The following TPP2 variants were observed in gnomAD, a reference collection of about 807,000 sequenced individuals.
TPP2 encodes the protein tripeptidyl peptidase 2.
Under a neutral mutation model 155.9 loss-of-function variants are expected in TPP2, and 34 were observed. The observed-to-expected ratio is 0.22, with a 90% CI of 0.17 to 0.29. The LOEUF is 0.29. Ranked by LOEUF, TPP2 falls within the 10% of genes least tolerant of loss-of-function variation. The pLI is 1.00. For missense variants in TPP2, 1,028 were observed against 1,522.3 expected, an observed-to-expected ratio of 0.68 and a Z score of 5.40; for synonymous variants, 510 against 529.4, an observed-to-expected ratio of 0.96 and a Z score of 0.50.
intron 20 of TPP2, among the ~76,000 whole-genome samples, chr13:102,646,861 CTG>C (rs575513733): frequency 1.6e-4 from 25 of 152,324 alleles, no homozygotes; most frequent in Admixed American, 1.6e-3. Flanking sequence ...TTCAATAAAA[CTG>C]TTACTGAAAC....
intron 1 of TPP2, among the ~76,000 whole-genome samples, chr13:102,600,291 T>C (rs1168795197): frequency 6.6e-6 from 1 of 152,202 alleles, no homozygotes; most frequent in African/African-American, 2.4e-5. Context: ...GTCAGGCTTC[T>C]ACCATCCGTC....
In TPP2 at chr13:102,597,031, C is replaced by T. The variant is rs1417035187; in HGVS notation, c.-8C>T. ...GTTTGCCGCTTCCTCGTCCTCCATC[C>T]TGCGTCCATGGCCACCGCTGCGACT... On this transcript the variant is annotated 5_prime_UTR_variant, in exon 1 of 30. Coordinates refer to ENST00000376052, the MANE Select transcript of TPP2 (RefSeq NM_001330588.2). The T allele has an allele frequency of 3.1e-6, 5 of 1,611,254 alleles. No homozygotes were observed. Among genetic ancestry groups the T allele is most frequent in the South Asian group, 1.1e-5 (1 of 90,982 alleles).
chr13:102,597,236 G>GCGCGGGCGGCCGGGGA (rs780181900), intron 1 of TPP2, 33 bp downstream of exon 1: 3 of 1,284,138 alleles, frequency 2.3e-6, no homozygotes, highest in Admixed American at 4.1e-5. Flanking sequence ...GGGCGCGGGG[G>GCGCGGGCGGCCGGGGA]CGCGGGCGGC....
chr13:102,629,350 G>T (rs1881862506), intron 8 of TPP2, 132 bp from the exon 9 acceptor site: 1 of 1,030,638 alleles, frequency 9.7e-7, no homozygotes, highest in Non-Finnish European at 1.3e-6. Flanking sequence ...ACTTAGAATG[G>T]CTGTATCATG....
rs1216573139 is a variant in TPP2, at chr13:102,618,760, G to A, written c.534G>A (p.Val178=). ...KLIKEELQSQ[V]ELLNSFEKKY... is the part of the protein sequence containing the mutation. ...TCAAGGAGGAACTTCAAAGTCAAGT[G>A]GAATTGCTAAATTCTTTTGAGAAGA... The change falls in exon 5 of 30, where the codon GTG becomes GTA. Residue 178 remains valine (V), a synonymous_variant. Coordinates refer to ENST00000376052, the MANE Select transcript of TPP2 (RefSeq NM_001330588.2). 1.2e-6 allele frequency: 2 copies of A among 1,613,838 alleles called. No homozygotes were observed. Among genetic ancestry groups the A allele is most frequent in the South Asian group, 2.2e-5 (2 of 91,052 alleles).
chr13:102,645,564 A>G (rs1883046420), intron 19 of TPP2, among the ~76,000 whole-genome samples: 1 of 152,232 alleles, frequency 6.6e-6, no homozygotes, highest in African/African-American at 2.4e-5. Flanking sequence ...AATTAGGGAC[A>G]ATAGTCAGTG....
chr13:102,600,877 A>G (rs1265705317), intron 1 of TPP2, among the ~76,000 whole-genome samples: 3 of 148,482 alleles, frequency 2.0e-5, no homozygotes, highest in Non-Finnish European at 4.5e-5. Flanking sequence ...ATAGTGTCCT[A>G]ACCTCTTTTT....
intron 5 of TPP2, 68 bp downstream of exon 5, chr13:102,618,914 A>G: frequency 3.9e-6 from 6 of 1,544,694 alleles, no homozygotes; most frequent in Non-Finnish European, 4.3e-6. Flanking sequence ...AAAACATTAA[A>G]TGCTCAGAGC....
chr13:102,614,782 G>T (rs1484630067), intron 3 of TPP2, among the ~76,000 whole-genome samples: 1 of 152,180 alleles, frequency 6.6e-6, no homozygotes, highest in African/African-American at 2.4e-5. Flanking sequence ...TGTGATAATG[G>T]AAATGTTTGA....
chr13:102,673,307 C>T (rs1396205427), intron 27 of TPP2, among the ~76,000 whole-genome samples: 2 of 152,184 alleles, frequency 1.3e-5, no homozygotes, highest in African/African-American at 4.8e-5. Flanking sequence ...ACATGCTACA[C>T]ATTTCACTCT....
chr13:102,623,684 CTGTG>C (rs1457888713), intron 6 of TPP2, among the ~76,000 whole-genome samples: 1 of 152,324 alleles, frequency 6.6e-6, no homozygotes, highest in South Asian at 2.1e-4. Flanking sequence ...CTACGGCACT[CTGTG>C]TGATTTCAAA....
intron 7 of TPP2, among the ~76,000 whole-genome samples, chr13:102,627,471 C>T (rs1369410804): frequency 6.6e-6 from 1 of 152,046 alleles, no homozygotes; most frequent in Admixed American, 6.6e-5. Context: ...CTCCATCAGC[C>T]TAAGAGGAAT....
chr13:102,640,797 G>A (rs928409294), intron 16 of TPP2, among the ~76,000 whole-genome samples: 4 of 151,760 alleles, frequency 2.6e-5, no homozygotes, highest in South Asian at 2.1e-4. Flanking sequence ...ACTAGCAGGC[G>A]TGTGCTACCA....
chr13:102,666,131 T>G (rs755803628), intron 27 of TPP2, among the ~76,000 whole-genome samples: 1 of 152,206 alleles, frequency 6.6e-6, no homozygotes, highest in African/African-American at 2.4e-5. Flanking sequence ...TTAAATTTAG[T>G]CTTCCAAACA....
Position 102,637,079 on chromosome 13 carries a change from C to A in TPP2, c.1679-3C>A. On this transcript the variant is annotated splice_region_variant and splice_polypyrimidine_tract_variant and intron_variant, in intron 13 of 29. Coordinates refer to ENST00000376052, the MANE Select transcript of TPP2 (RefSeq NM_001330588.2). ...CTTTAATTTTTGGTCTTTTTCGTGCCAGAAAACTCTGAAAAAATATCCCTT... is the reference window on the plus strand; with the variant it reads ...CTTTAATTTTTGGTCTTTTTCGTGCAAGAAAACTCTGAAAAAATATCCCTT... 6.4e-7 allele frequency: 1 copy of A among 1,569,926 alleles called. No homozygotes were observed. Among genetic ancestry groups the A allele is most frequent in the Admixed American group, 2.1e-5 (1 of 47,058 alleles).
intron 24 of TPP2, among the ~76,000 whole-genome samples, chr13:102,654,509 T>G (rs1883719086): frequency 1.3e-5 from 2 of 152,180 alleles, no homozygotes; most frequent in South Asian, 4.1e-4. Context: ...AATAGATTGT[T>G]CATTTTAAAT....
At chr13:102,626,125 C>T (rs886280876) in intron 6 of TPP2, among the ~76,000 whole-genome samples, 5 of 152,192 alleles carry the variant, frequency 3.3e-5, no homozygotes, top group African/African-American at 1.2e-4. Context: ...AATGTACCCT[C>T]CCACCTCCTA....
At chr13:102,666,328 T>C (rs903694144) in intron 27 of TPP2, among the ~76,000 whole-genome samples, 4 of 152,182 alleles carry the variant, frequency 2.6e-5, no homozygotes, top group Non-Finnish European at 5.9e-5. Flanking sequence ...TTGAGAAGGT[T>C]AACATAACTC....
chr13:102,653,051 TTGTA>T (rs1159024828), intron 24 of TPP2, among the ~76,000 whole-genome samples: 2 of 152,204 alleles, frequency 1.3e-5, no homozygotes, highest in Non-Finnish European at 2.9e-5. Flanking sequence ...TTGAATTAGG[TTGTA>T]TAGTTAGGAA....
Sources: allele counts gnomAD v4.1 joint callset (sites outside exome capture counted in the v4.1 genomes callset), GRCh38; gene constraint gnomAD v4.1.1; transcripts MANE v1.5; gene names NCBI Gene and HGNC (gene_info 2026-07-23, HGNC 2026-07-21).